The following CAPN1 variants were observed in gnomAD, a reference collection of about 807,000 sequenced individuals.
The protein encoded by CAPN1 is calpain-1 catalytic subunit.
In CAPN1, 77 loss-of-function variants were observed where a neutral mutation model predicts 105.2. That is an observed-to-expected ratio of 0.73 (90% CI 0.61 to 0.88). CAPN1 has a LOEUF of 0.88. CAPN1 is among the 40% of genes least tolerant of loss of function. The pLI, the probability that CAPN1 is intolerant of heterozygous loss-of-function variation, is 0.00. For missense variants in CAPN1, 833 were observed against 976.6 expected (o/e 0.85, Z 1.96); for synonymous variants, 355 against 388.8 (o/e 0.91, Z 1.02).
At chr11:65,191,779 C>T (rs1948721645) in intron 10 of CAPN1, among the ~76,000 whole-genome samples, 1 of 152,180 alleles carries the variant, frequency 6.6e-6, no homozygotes, top group South Asian at 2.1e-4. Flanking sequence ...GTCTAATATG[C>T]TGCCTAGAAC....
At chr11:65,192,441 C>T (rs182864872) in intron 10 of CAPN1, among the ~76,000 whole-genome samples, 1 of 152,034 alleles carries the variant, frequency 6.6e-6, no homozygotes, top group African/African-American at 2.4e-5. Context: ...AAGAGTTTAC[C>T]TAAGATGGGA....
intron 12 of CAPN1, 162 bp downstream of exon 12, chr11:65,205,883 A>G: frequency 1.5e-6 from 1 of 687,184 alleles, no homozygotes; most frequent in Non-Finnish European, 2.6e-6. Flanking sequence ...CAGAGCAAAC[A>G]TTGCTCTCCT....
chr11:65,193,865 G>A (rs1948754149), intron 10 of CAPN1, among the ~76,000 whole-genome samples: 2 of 151,304 alleles, frequency 1.3e-5, no homozygotes, highest in South Asian at 4.2e-4. Context: ...AAGTGGCTGG[G>A]ATTATACGTG....
At position 65,209,981 on chromosome 11, in the gene CAPN1, G is replaced by A. The variant is rs1156899972; in HGVS notation, c.1864-37G>A. ...GCCGGGCAGGTGGGAAGGGCCGGGT[G>A]ACTCAGCCTGGCCCTCACCCTCTGC... On this transcript the variant is annotated intron_variant, in intron 18 of 21. Transcript: ENST00000279247. This position sits in a 1 kb window ranked among gnomAD's most constrained non-coding sequence, Gnocchi z 4.1. The A allele has an allele frequency of 3.1e-6, 5 of 1,610,732 alleles. No homozygotes were observed. The East Asian group carries it at 1.1e-4, about 36-fold the overall frequency.
chr11:65,210,400 G>A lies in CAPN1; in HGVS notation c.2007G>A (p.Ala669=), dbSNP rs377531394. 2.5e-5 allele frequency: 41 copies of A among 1,613,238 alleles called. No individual in the cohort carries two copies. Among genetic ancestry groups the A allele is most frequent in the South Asian group, 7.7e-5 (7 of 91,008 alleles). ...CCCGCTACTCGGAGCCCGACCTGGC[G>A]GTCGACTTTGACAATTTCGTTTGCT... ...IITRYSEPDL[A]VDFDNFVCCL... is the part of the protein sequence containing the mutation. The change falls in exon 20 of 22, where the codon GCG becomes GCA. Residue 669 remains alanine, a synonymous_variant. Coordinates refer to ENST00000279247, the MANE Select transcript of CAPN1 (RefSeq NM_005186.4). This position sits in a 1 kb window ranked among gnomAD's most constrained non-coding sequence, Gnocchi z 4.3.
In CAPN1 at chr11:65,182,981, A is replaced by G; in HGVS notation, c.267+13A>G. On this transcript the variant is annotated intron_variant, in intron 2 of 21. Transcript: ENST00000279247. ...GAAGCGTCCCACGGTGAGAGGGGCC[A>G]TCCTGGGTGGGACTCGGCTAAGCCA... 1 of 1,613,176 alleles carries G rather than the reference A, an allele frequency of 6.2e-7. No homozygotes were observed. Among genetic ancestry groups the G allele is most frequent in the Non-Finnish European group, 8.5e-7 (1 of 1,179,548 alleles).
rs1948664855 is a variant in CAPN1 at position 65,188,166 on chromosome 11, A to C, written c.929+126A>C. On this transcript the variant is annotated intron_variant, in intron 8 of 21. Coordinates refer to ENST00000279247, the MANE Select transcript of CAPN1 (RefSeq NM_005186.4). This position sits in a 1 kb window ranked among gnomAD's most constrained non-coding sequence, Gnocchi z 5.5. ...GAGCAGAGGGGCCCATCTTCGCGCG[A>C]CTGGGTCTGGGGGACTGCTCTGACA... The C allele has an allele frequency of 1.3e-6, 1 of 753,112 alleles. No homozygotes were observed. The highest frequency in any genetic ancestry group is 2.2e-6 in the Non-Finnish European group (1 of 462,040). The allele number at this position is 753,112 out of a possible 1,614,324, so 46.7% of individuals were successfully genotyped here. A position where few individuals can be genotyped will look rare whatever the true frequency, so the allele number is the denominator to read the frequency against.
Position 65,209,408 on chromosome 11 carries a change from G to T in CAPN1, c.1794+21G>T. 6.2e-7 allele frequency: 1 copy of T among 1,607,642 alleles called. No homozygotes were observed. Among genetic ancestry groups the T allele is most frequent in the Non-Finnish European group, 8.5e-7 (1 of 1,175,276 alleles). On this transcript the variant is annotated intron_variant, in intron 17 of 21. Transcript: ENST00000279247. This position sits in a 1 kb window ranked among gnomAD's most constrained non-coding sequence, Gnocchi z 4.1. ...TGGATGTATCCTTCCGTTTGCTTTTGTCTCCTGAGTGGGGTTTTGGGTGGA... is the reference window on the plus strand; with the variant it reads ...TGGATGTATCCTTCCGTTTGCTTTTTTCTCCTGAGTGGGGTTTTGGGTGGA...
In CAPN1 at chr11:65,211,293, G is replaced by A. The variant is rs779071796; in HGVS notation, c.*7G>A. 1 of 1,612,292 alleles carries A rather than the reference G, an allele frequency of 6.2e-7. No individual in the cohort carries two copies. The highest frequency in any genetic ancestry group is 1.1e-5 in the South Asian group (1 of 90,996). On this transcript the variant is annotated 3_prime_UTR_variant, in exon 22 of 22. Transcript: ENST00000279247. The stretch of plus-strand genomic sequence containing the variant: ...GCTGACCATGTTTGCATGAGGCAGG[G>A]ACTCGGTCCCCCTTGCCGTGCTCCC...
intron 10 of CAPN1, among the ~76,000 whole-genome samples, chr11:65,201,643 G>T (rs1228490013): frequency 3.3e-5 from 5 of 151,240 alleles, no homozygotes; most frequent in Non-Finnish European, 4.4e-5. Flanking sequence ...TCAGCCTCCC[G>T]AGTAGCTGGG....
Position 65,183,479 on chromosome 11 carries a change from TGCTG to T in CAPN1, c.347_350del (p.Trp116SerfsTer59), listed in dbSNP as rs1380211190. ...GTGCATCCCTCCTGCCCCAGGGGAC[TGCTG>T]GCTCTTGGCGGCCATCGCCTCCCTC... On this transcript the variant is annotated frameshift_variant, in exon 4 of 22. Coordinates refer to ENST00000279247, the MANE Select transcript of CAPN1 (RefSeq NM_005186.4). LOFTEE classifies it high-confidence loss of function. 1 of 1,612,396 alleles carries T rather than the reference TGCTG, an allele frequency of 6.2e-7. No individual in the cohort carries two copies.
At position 65,208,222 on chromosome 11, in the gene CAPN1, GA is replaced by G; in HGVS notation, c.1691del (p.Lys564ArgfsTer24). 1 of 1,578,448 alleles carries G rather than the reference GA, an allele frequency of 6.3e-7. No individual in the cohort carries two copies. Among genetic ancestry groups the G allele is most frequent in the Admixed American group, 1.8e-5 (1 of 54,334 alleles). On this transcript the variant is annotated frameshift_variant, in exon 16 of 22. Transcript: ENST00000279247. LOFTEE classifies it high-confidence loss of function. This position sits in a 1 kb window ranked among gnomAD's most constrained non-coding sequence, Gnocchi z 4.1. ...LAGEDMEISV[K>X]ELRTILNRII... ...CTCCCCAGGACATGGAGATCAGCGT[GA>G]AGGAGTTGCGGACAATCCTCAATAG...
rs757262232 is a variant in CAPN1, at chr11:65,186,222, G to A, written c.643G>A (p.Glu215Lys). 6.2e-7 allele frequency: 1 copy of A among 1,613,756 alleles called. No individual in the cohort carries two copies. The highest frequency in any genetic ancestry group is 1.1e-5 in the South Asian group (1 of 91,070). Residue 215 changes from glutamate to lysine, a missense_variant, in exon 6 of 22, where the codon GAG (glutamate) becomes AAG (lysine). Physicochemically the swap from Glu to Lys is moderately conservative, Grantham distance 56. Transcript: ENST00000279247. ...LSGGSTSEGF[E>K]DFTGGVTEWY... ...AGGGGGCAGCACCTCAGAGGGCTTTGAGGACTTCACAGGCGGGGTTACCGA... is the reference window on the plus strand; with the variant it reads ...AGGGGGCAGCACCTCAGAGGGCTTTAAGGACTTCACAGGCGGGGTTACCGA...
chr11:65,211,429 C>A lies in CAPN1; in HGVS notation c.*143C>A. On this transcript the variant is annotated 3_prime_UTR_variant, in exon 22 of 22. Transcript: ENST00000279247. ...CAGCCTCGTCCTCCTGTCCCCTCTC[C>A]TCCCAGCCACCATCGTTCATCTGCT... is the stretch of plus-strand genomic sequence containing the variant. 1 of 743,898 alleles carries A rather than the reference C, an allele frequency of 1.3e-6. No homozygotes were observed. Among genetic ancestry groups the A allele is most frequent in the Non-Finnish European group, 2.3e-6 (1 of 430,028 alleles). 46.1% of individuals were successfully genotyped at this position (743,898 alleles called of 1,614,324 possible).
At chr11:65,191,847 C>T (rs983126949) in intron 10 of CAPN1, among the ~76,000 whole-genome samples, 2 of 152,006 alleles carry the variant, frequency 1.3e-5, no homozygotes, top group Non-Finnish European at 2.9e-5. Flanking sequence ...TAGGAGCAAC[C>T]CTATTAACTA....
At position 65,204,679 on chromosome 11, in the gene CAPN1, G is replaced by T. The variant is rs758315396; in HGVS notation, c.1166-4G>T. On this transcript the variant is annotated splice_polypyrimidine_tract_variant and splice_region_variant and intron_variant, in intron 10 of 21. Transcript: ENST00000279247. ...CTGATCCCCGCCTCCTCACCTGCCC[G>T]CAGCCACCTTCTGGGTGAACCCTCA... 1 of 1,604,904 alleles carries T rather than the reference G, an allele frequency of 6.2e-7. No individual in the cohort carries two copies. The highest frequency in any genetic ancestry group is 2.2e-5 in the East Asian group (1 of 44,612).
chr11:65,202,780 TTAAA>T (rs746158228), intron 10 of CAPN1, among the ~76,000 whole-genome samples: 3 of 152,118 alleles, frequency 2.0e-5, no homozygotes, highest in Non-Finnish European at 4.4e-5. Flanking sequence ...AATATACAAT[TTAAA>T]TATACTATTT....
Position 65,209,859 on chromosome 11 carries a change from A to G in CAPN1, c.1805A>G (p.Asn602Ser), listed in dbSNP as rs1949017807. ...TTAACGGCCACCCAGCGTGATGGCAATGGGAAGCTGGGCCTGGTGGAGTTC... is the reference window on the plus strand; with the variant it reads ...TTAACGGCCACCCAGCGTGATGGCAGTGGGAAGCTGGGCCTGGTGGAGTTC... The part of the protein sequence containing the change: ...SMVNLMDRDG[N>S]GKLGLVEFNI... Residue 602 changes from asparagine to serine, a missense_variant, in exon 18 of 22, where the codon AAT becomes AGT. Physicochemically the swap from Asn to Ser is conservative, Grantham distance 46. Coordinates refer to ENST00000279247, the MANE Select transcript of CAPN1 (RefSeq NM_005186.4). The surrounding 1 kb of genome is among the most constrained non-coding windows in gnomAD (Gnocchi z 4.1). 5 of 1,613,728 alleles carry G rather than the reference A, an allele frequency of 3.1e-6. No homozygotes were observed. The South Asian group carries it at 4.4e-5, about 14-fold the overall frequency.
chr11:65,206,414 G>A lies in CAPN1; in HGVS notation c.1354-49G>A, dbSNP rs1948957711. The A allele has an allele frequency of 4.0e-6, 6 of 1,485,562 alleles. No homozygotes were observed. The Admixed American group carries it at 6.7e-5, about 17-fold the overall frequency. 92.0% of individuals were successfully genotyped at this position (1,485,562 alleles called of 1,614,324 possible). On this transcript the variant is annotated intron_variant, in intron 12 of 21. Transcript: ENST00000279247. Reference sequence around the variant, plus strand: ...CTGGGTCTGGGGGTGGCCCCTGAGGGTGGGCTGAGTGGGCAGCTGCAGCCC... The same window carrying A: ...CTGGGTCTGGGGGTGGCCCCTGAGGATGGGCTGAGTGGGCAGCTGCAGCCC...
Sources: allele counts gnomAD v4.1 joint callset (sites outside exome capture counted in the v4.1 genomes callset), GRCh38; gene constraint gnomAD v4.1.1; non-coding constraint Gnocchi (gnomAD v3.1); transcripts MANE v1.5; gene names NCBI Gene and HGNC (gene_info 2026-07-23, HGNC 2026-07-21).